UGT1A3: variants seen among roughly 807,000 people sequenced by gnomAD.
UGT1A3 encodes UDP-glucuronosyltransferase 1A3.
A neutral mutation model predicts 41.0 loss-of-function variants in UGT1A3; 31 were observed. That is an observed-to-expected ratio of 0.76 (90% CI 0.57 to 1.02). The LOEUF (loss-of-function observed/expected upper bound fraction) is 1.02, where lower values mean the gene tolerates loss of function less well. UGT1A3 is among the 50% of genes least tolerant of loss of function. The pLI is 0.00. For synonymous variants in UGT1A3, 262 were observed against 257.6 expected, an observed-to-expected ratio of 1.02 and a Z score of -0.17; for missense variants, 737 against 671.0, an observed-to-expected ratio of 1.10 and a Z score of -1.09.
chr2:233,765,884 C>T (rs1054179790), intron 1 of UGT1A3, among the ~76,000 whole-genome samples: 2 of 152,082 alleles, frequency 1.3e-5, no homozygotes, highest in African/African-American at 4.8e-5. Context: ...CTCACTTTCT[C>T]AGTGCGCCAC....
At chr2:233,758,413 A>G (rs578024460) in intron 1 of UGT1A3, among the ~76,000 whole-genome samples, 1 of 152,136 alleles carries the variant, frequency 6.6e-6, no homozygotes, top group African/African-American at 2.4e-5. Context: ...ACTGTCTATA[A>G]TCTGCAAATG....
chr2:233,767,131 C>T lies in UGT1A3; in HGVS notation c.965C>T (p.Ala322Val). The change falls in exon 2 of 5, where the codon GCA becomes GTA. Residue 322 changes from alanine to valine, a missense_variant. Coordinates refer to ENST00000482026, the MANE Select transcript of UGT1A3 (RefSeq NM_019093.4). ...VSEIPEKKAM[A>V]IADALGKIPQ... The stretch of plus-strand genomic sequence containing the variant: ...GAAATTCCAGAGAAGAAAGCTATGG[C>T]AATTGCTGATGCTTTGGGCAAAATC... 1 of 1,614,090 alleles carries T rather than the reference C, an allele frequency of 6.2e-7. No individual in the cohort carries two copies. The highest frequency in any genetic ancestry group is 8.5e-7 in the Non-Finnish European group (1 of 1,180,014).
At chr2:233,756,614 T>C (rs978971075) in intron 1 of UGT1A3, among the ~76,000 whole-genome samples, 2 of 152,204 alleles carry the variant, frequency 1.3e-5, no homozygotes, top group African/African-American at 4.8e-5. Context: ...CCATTAAGAC[T>C]TGCAGGCCGT....
In UGT1A3 at chr2:233,729,664, T is replaced by G. The variant is rs755209657; in HGVS notation, c.538T>G (p.Leu180Val). The change falls in exon 1 of 5, where the codon TTA (leucine) becomes GTA (valine). Residue 180 changes from leucine (L) to valine (V), a missense_variant. Leu to Val is a conservative substitution (Grantham distance 32). Transcript: ENST00000482026. ...VFFLRNIPCDLDFKGTQCPNP... is the reference protein window; with the variant it reads ...VFFLRNIPCDVDFKGTQCPNP... Reference sequence around the variant, plus strand: ...TTTTTTGAGGAACATTCCATGTGATTTAGACTTTAAGGGCACACAGTGTCC... The same window carrying G: ...TTTTTTGAGGAACATTCCATGTGATGTAGACTTTAAGGGCACACAGTGTCC... 2.2e-5 allele frequency: 35 copies of G among 1,613,812 alleles called. No individual in the cohort carries two copies. The highest frequency in any genetic ancestry group is 3.0e-5 in the Non-Finnish European group (35 of 1,179,876).
chr2:233,757,111 A>C (rs13404099), intron 1 of UGT1A3, among the ~76,000 whole-genome samples: 1 of 151,320 alleles, frequency 6.6e-6, no homozygotes, highest in East Asian at 2.0e-4. Context: ...GGCAAGCAGA[A>C]GGGCTAGAGA....
At chr2:233,743,640 A>T in intron 1 of UGT1A3, 1 of 1,367,298 alleles carries the variant, frequency 7.3e-7, no homozygotes, top group Non-Finnish European at 9.8e-7. Context: ...GGGTCGCGGA[A>T]GCTGAAGACG....
intron 1 of UGT1A3, among the ~76,000 whole-genome samples, chr2:233,759,710 G>C (rs746376626): frequency 6.6e-6 from 1 of 151,530 alleles, no homozygotes; most frequent in African/African-American, 2.4e-5. Context: ...GCGCGTGCTC[G>C]TGTGGTGGGC....
At chr2:233,751,693 G>A (rs1694787580) in intron 1 of UGT1A3, among the ~76,000 whole-genome samples, 1 of 152,146 alleles carries the variant, frequency 6.6e-6, no homozygotes, top group Non-Finnish European at 1.5e-5. Flanking sequence ...GGTTTTATAA[G>A]GGGCTCTTCC....
chr2:233,736,902 T>G lies in UGT1A3; in HGVS notation c.867+6909T>G, dbSNP rs143081248. ...GCAAATATTGCTGCCTGATCCTTCC[T>G]CTGGAAGCTTCATACCAGAGGCGCA... is the stretch of plus-strand genomic sequence containing the variant. On this transcript the variant is annotated intron_variant, in intron 1 of 4. Coordinates refer to ENST00000482026, the MANE Select transcript of UGT1A3 (RefSeq NM_019093.4). 5.7e-3 allele frequency among the ~76,000 whole-genome samples: 868 copies of G among 152,312 alleles called. 7 individuals are homozygous for G. Among genetic ancestry groups the G allele is most frequent in the African/African-American group, 0.02 (824 of 41,572 alleles).
intron 1 of UGT1A3, among the ~76,000 whole-genome samples, chr2:233,757,337 A>G (rs1976391): frequency 0.35 from 51,596 of 146,046 alleles, 9,773 homozygotes; most frequent in African/African-American, 0.44. Context: ...TGGGACCATG[A>G]CAGCTGGGTC....
chr2:233,752,937 C>A (rs1656534777), intron 1 of UGT1A3, among the ~76,000 whole-genome samples: 1 of 152,230 alleles, frequency 6.6e-6, no homozygotes, highest in African/African-American at 2.4e-5. Flanking sequence ...CCACTCTTTG[C>A]TGACCACTGA....
intron 1 of UGT1A3, chr2:233,761,302 C>G: frequency 6.8e-7 from 1 of 1,473,836 alleles, no homozygotes. Context: ...AGGTTTGAGT[C>G]TGTCTTTGGC....
chr2:233,731,567 G>C (rs187865178), intron 1 of UGT1A3, among the ~76,000 whole-genome samples: 1 of 152,286 alleles, frequency 6.6e-6, no homozygotes, highest in Non-Finnish European at 1.5e-5. Flanking sequence ...AGTTTGCTGA[G>C]AATGATGGTT....
chr2:233,742,999 C>A, intron 1 of UGT1A3: 1 of 234,266 alleles, frequency 4.3e-6, no homozygotes, highest in Non-Finnish European at 8.5e-6. Context: ...AAATTGCATA[C>A]AGATATTTTA....
chr2:233,769,811 T>C lies in UGT1A3; in HGVS notation c.1307+1372T>C. 9.8e-7 allele frequency: 1 copy of C among 1,015,422 alleles called. No individual in the cohort carries two copies. The highest frequency in any genetic ancestry group is 2.2e-5 in the South Asian group (1 of 46,182). The allele number at this position is 1,015,422 out of a possible 1,614,324, so 62.9% of individuals were successfully genotyped here. A position where few individuals can be genotyped will look rare whatever the true frequency, so the allele number is the denominator to read the frequency against. On this transcript the variant is annotated intron_variant, in intron 4 of 4. Transcript: ENST00000482026. This position sits in a 1 kb window ranked among gnomAD's most constrained non-coding sequence, Gnocchi z 4.4. ...TGGAGGCTGCTATGAGCCGTGATCA[T>C]GCCACTGCACTCCAGCAACCTGGGC...
At position 233,768,743 on chromosome 2, in the gene UGT1A3, C is replaced by T. The variant is rs540797215; in HGVS notation, c.1307+304C>T. Among the ~76,000 whole-genome samples the T allele has an allele frequency of 5.3e-5, 8 of 151,788 alleles. No homozygotes were observed. In the South Asian group the frequency reaches 1.3e-3, roughly 24 times the overall value. On this transcript the variant is annotated intron_variant, in intron 4 of 4. Coordinates refer to ENST00000482026, the MANE Select transcript of UGT1A3 (RefSeq NM_019093.4). ...GATTACAGGTGTCCACCACCACGCC[C>T]GGTTAATTTTTGTATTTTTTAGTAG...
At position 233,743,856 on chromosome 2, in the gene UGT1A3, T is replaced by C. The variant is rs764670005; in HGVS notation, c.867+13863T>C. The stretch of plus-strand genomic sequence containing the variant: ...TTGAGCGCCAGCTTGCGGTACGCCT[T>C]CTTGATGGCCTCGGATGAGGCCTGC... On this transcript the variant is annotated intron_variant, in intron 1 of 4. Transcript: ENST00000482026. The C allele has an allele frequency of 2.9e-6, 4 of 1,367,240 alleles. No homozygotes were observed. The East Asian group carries it at 1.4e-4, about 47-fold the overall frequency. The allele number at this position is 1,367,240 out of a possible 1,614,324, so 84.7% of individuals were successfully genotyped here.
chr2:233,747,214 A>T, intron 1 of UGT1A3: 1 of 1,605,452 alleles, frequency 6.2e-7, no homozygotes, highest in Non-Finnish European at 8.5e-7. Flanking sequence ...TTCTGCTGAG[A>T]TGGCCACAGG....
chr2:233,760,559 C>G (rs776620061), intron 1 of UGT1A3: 5 of 1,614,238 alleles, frequency 3.1e-6, no homozygotes, highest in Non-Finnish European at 2.5e-6. Flanking sequence ...GTGAAAGAGT[C>G]TTTTGTTAGT....
Sources: allele counts gnomAD v4.1 joint callset (sites outside exome capture counted in the v4.1 genomes callset), GRCh38; gene constraint gnomAD v4.1.1; non-coding constraint Gnocchi (gnomAD v3.1); transcripts MANE v1.5; gene names NCBI Gene and HGNC (gene_info 2026-07-23, HGNC 2026-07-21).